Variants in SPNS2 observed in about 807,000 individuals in gnomAD.
The protein encoded by SPNS2 is sphingosine-1-phosphate transporter SPNS2.
Under a neutral mutation model 57.6 loss-of-function variants are expected in SPNS2, and 37 were observed. That is an observed-to-expected ratio of 0.64 (90% confidence interval 0.49 to 0.85). The LOEUF is 0.85. Among genes scored for constraint, SPNS2 ranks in the 40% least tolerant of loss-of-function variants. The pLI, the probability that SPNS2 is intolerant of heterozygous loss-of-function variation, is 0.00. For missense variants in SPNS2, 831 were observed against 779.1 expected (o/e 1.07, Z -0.79); for synonymous variants, 440 against 346.9 (o/e 1.27, Z -2.98).
At chr17:4,533,637 A>G in intron 8 of SPNS2, 151 bp from the exon 9 acceptor site, 1 of 1,048,028 alleles carries the variant, frequency 9.5e-7, no homozygotes, top group Non-Finnish European at 1.4e-6. Flanking sequence ...GCATGGCTTG[A>G]AGTCTCTGGA....
intron 1 of SPNS2, among the ~76,000 whole-genome samples, chr17:4,502,843 G>A (rs1361366550): frequency 6.6e-6 from 1 of 152,084 alleles, no homozygotes; most frequent in East Asian, 1.9e-4. Context: ...GTCCTTTCAG[G>A]ACACCTTTGC....
intron 2 of SPNS2, among the ~76,000 whole-genome samples, chr17:4,515,463 G>A (rs560327857): frequency 1.0e-3 from 155 of 152,284 alleles, no homozygotes; most frequent in African/African-American, 3.6e-3. Context: ...CCCAGGGCGG[G>A]TGCCTCTGGG....
In SPNS2 at chr17:4,536,097, C is replaced by T. The variant is rs985236722; in HGVS notation, c.1366C>T (p.Arg456Cys). Residue 456 changes from arginine (R) to cysteine (C), a missense_variant, in exon 10 of 13, where the codon CGC becomes TGC. Coordinates refer to ENST00000329078, the MANE Select transcript of SPNS2 (RefSeq NM_001124758.3). ...GCAGTACGTGGTCATCCCCACGCGGCGCGCCACTGCCGTGGCCTTGCAGAG... is the reference window on the plus strand; with the variant it reads ...GCAGTACGTGGTCATCCCCACGCGGTGCGCCACTGCCGTGGCCTTGCAGAG... ...ILMYVVIPTR[R>C]ATAVALQSFT... 1.2e-5 allele frequency: 19 copies of T among 1,611,976 alleles called. No homozygotes were observed. Among genetic ancestry groups the T allele is most frequent in the East Asian group, 2.2e-5 (1 of 44,866 alleles).
At chr17:4,532,501 C>G in intron 5 of SPNS2, 41 bp from the exon 6 acceptor site, 1 of 1,613,908 alleles carries the variant, frequency 6.2e-7, no homozygotes. Context: ...AGGGACGAGG[C>G]TCACTGGGCC....
chr17:4,526,012 G>C (rs1905255443), intron 3 of SPNS2, among the ~76,000 whole-genome samples: 2 of 152,218 alleles, frequency 1.3e-5, no homozygotes, highest in African/African-American at 4.8e-5. Flanking sequence ...GGGAGAGCAT[G>C]ATCTGTCTTC....
intron 2 of SPNS2, among the ~76,000 whole-genome samples, chr17:4,519,987 G>T (rs1014900705): frequency 6.6e-5 from 10 of 152,254 alleles, no homozygotes; most frequent in Admixed American, 2.0e-4. Flanking sequence ...CCTGAGCAGA[G>T]AGAGGGCAGC....
At chr17:4,533,897 C>G in intron 9 of SPNS2, 44 bp downstream of exon 9, 1 of 1,586,526 alleles carries the variant, frequency 6.3e-7, no homozygotes, top group Non-Finnish European at 8.6e-7. Flanking sequence ...CTGACCCAGG[C>G]CTCTTGACCT....
chr17:4,507,620 G>C (rs183570548), intron 1 of SPNS2, among the ~76,000 whole-genome samples: 5 of 152,366 alleles, frequency 3.3e-5, no homozygotes, highest in Admixed American at 6.5e-5. Context: ...GAGAAAGTGG[G>C]AAAACCAGGA....
At chr17:4,517,259 C>T (rs746671473) in intron 2 of SPNS2, among the ~76,000 whole-genome samples, 5 of 152,224 alleles carry the variant, frequency 3.3e-5, no homozygotes, top group African/African-American at 9.7e-5. Flanking sequence ...TTTCCAGGGA[C>T]CCTGGCAGAA....
chr17:4,503,017 TGCTTGCTCTTCTTACCGA>T (rs1904571487), intron 1 of SPNS2, among the ~76,000 whole-genome samples: 1 of 152,246 alleles, frequency 6.6e-6, no homozygotes, highest in Non-Finnish European at 1.5e-5. Flanking sequence ...CAGGCTCCTG[TGCTTGCTCTTCTTACCGA>T]GCGTTGCTTC....
At chr17:4,532,159 T>C (rs1597369125) in intron 5 of SPNS2, among the ~76,000 whole-genome samples, 1 of 68,146 alleles carries the variant, frequency 1.5e-5, no homozygotes, top group Admixed American at 2.0e-4. Flanking sequence ...TCCATCCGTC[T>C]GTCCATCTGT....
rs78926414 is a variant in SPNS2, at chr17:4,508,211, T to C, written c.371-5036T>C. The stretch of plus-strand genomic sequence containing the variant: ...GCCCTAGAGGTGAGGCAGGTCTTAA[T>C]GGCTAGAGAGGGATAGCCTAGGAAG... On this transcript the variant is annotated intron_variant, in intron 1 of 12. Transcript: ENST00000329078. Among the ~76,000 whole-genome samples, 1,148 of 152,238 alleles carry C rather than the reference T, an allele frequency of 7.5e-3. 20 individuals are homozygous for C. The highest frequency in any genetic ancestry group is 0.026 in the African/African-American group (1,093 of 41,528).
intron 1 of SPNS2, among the ~76,000 whole-genome samples, chr17:4,507,838 G>C (rs1904722308): frequency 6.6e-6 from 1 of 152,210 alleles, no homozygotes; most frequent in South Asian, 2.1e-4. Context: ...TCACGCTGTT[G>C]GCATCTTGCA....
intron 11 of SPNS2, 81 bp downstream of exon 11, chr17:4,536,507 T>C: frequency 4.2e-6 from 6 of 1,419,114 alleles, no homozygotes; most frequent in Non-Finnish European, 5.8e-6. Flanking sequence ...TGCCCTGGGG[T>C]GGGGCGGGGA....
intron 11 of SPNS2, chr17:4,536,690 C>T (rs1905831384): frequency 1.6e-6 from 1 of 633,406 alleles, no homozygotes; most frequent in Non-Finnish European, 2.8e-6. Flanking sequence ...CCTCCCCTTC[C>T]TCTTACTTTC....
intron 9 of SPNS2, 24 bp from the exon 10 acceptor site, chr17:4,536,051 GC>G (rs1191238534): frequency 6.2e-7 from 1 of 1,600,488 alleles, no homozygotes; most frequent in Non-Finnish European, 8.5e-7. Context: ...TCCTCTGGCC[GC>G]TGACCTGCCC....
At position 4,537,833 on chromosome 17, in the gene SPNS2, C is replaced by A. The variant is rs1048691321; in HGVS notation, c.*385C>A. ...AGGGCCAGGGGGCTGGACTTTCCCA[C>A]ACAACTTGCTGGGCAAAGCACGATC... On this transcript the variant is annotated 3_prime_UTR_variant, in exon 13 of 13. Transcript: ENST00000329078. The A allele has an allele frequency of 2.2e-6, 1 of 454,970 alleles. No homozygotes were observed. Among genetic ancestry groups the A allele is most frequent in the Non-Finnish European group, 4.4e-6 (1 of 225,516 alleles). 28.2% of individuals were successfully genotyped at this position (454,970 alleles called of 1,614,324 possible).
chr17:4,535,652 A>G (rs536035880), intron 9 of SPNS2, among the ~76,000 whole-genome samples: 4 of 152,170 alleles, frequency 2.6e-5, no homozygotes, highest in Admixed American at 2.0e-4. Context: ...CGCCTGGGCA[A>G]CCCCCAAAGT....
In SPNS2 at chr17:4,536,409, C is replaced by T. The variant is rs200033051; in HGVS notation, c.1590C>T (p.Arg530=). Reference sequence around the variant, plus strand: ...CTGCGCTCTTCTTCGTCAGCGACCGCGCCAGGGCTGAGCAGCAGTGAGTGG... The same window carrying T: ...CTGCGCTCTTCTTCGTCAGCGACCGTGCCAGGGCTGAGCAGCAGTGAGTGG... ...LATALFFVSD[R]ARAEQQVNQL... is the part of the protein sequence containing the mutation. Residue 530 remains arginine (R), a synonymous_variant, in exon 11 of 13, where the codon CGC becomes CGT. Coordinates refer to ENST00000329078, the MANE Select transcript of SPNS2 (RefSeq NM_001124758.3). The T allele has an allele frequency of 6.9e-6, 11 of 1,601,428 alleles. No homozygotes were observed. Among genetic ancestry groups the T allele is most frequent in the East Asian group, 4.5e-5 (2 of 44,718 alleles).
Sources: gnomAD v4.1 joint callset for allele counts (sites outside exome capture counted in the v4.1 genomes callset) on GRCh38, gnomAD v4.1.1 for gene constraint, MANE v1.5 for transcripts, NCBI Gene and HGNC (gene_info 2026-07-23, HGNC 2026-07-21) for gene names.